Variants in ZFHX3 observed in about 807,000 individuals in gnomAD.
The protein encoded by ZFHX3 is zinc finger homeobox protein 3.
A neutral mutation model predicts 279.1 loss-of-function variants in ZFHX3; 42 were observed. The observed-to-expected ratio is 0.15, with a 90% confidence interval of 0.12 to 0.19. The LOEUF (loss-of-function observed/expected upper bound fraction) is 0.19, where lower values mean the gene tolerates loss of function less well. Among genes scored for constraint, ZFHX3 ranks in the 10% least tolerant of loss-of-function variants. The pLI, the probability that ZFHX3 is intolerant of heterozygous loss-of-function variation, is 1.00. For missense variants in ZFHX3, 4,981 were observed against 4,754.0 expected (o/e 1.05, Z -1.40); for synonymous variants, 2,293 against 1,957.8 (o/e 1.17, Z -4.52).
intron 1 of ZFHX3, among the ~76,000 whole-genome samples, chr16:73,038,675 TACTC>T (rs1965000135): frequency 6.7e-6 from 1 of 149,128 alleles, no homozygotes; most frequent in East Asian, 2.0e-4. Flanking sequence ...TATAAGCTTG[TACTC>T]TCTCTCTCTC....
intron 1 of ZFHX3, among the ~76,000 whole-genome samples, chr16:73,807,569 C>G (rs1046875677): frequency 5.3e-5 from 8 of 151,688 alleles, no homozygotes; most frequent in Admixed American, 3.3e-4. Flanking sequence ...ATCCTCCTGC[C>G]ACAGCAGCCC....
At chr16:73,356,194 C>G (rs1426786977) in intron 3 of ZFHX3, among the ~76,000 whole-genome samples, 2 of 152,218 alleles carry the variant, frequency 1.3e-5, no homozygotes, top group African/African-American at 4.8e-5. Context: ...TGCCAACCCA[C>G]TGGATAAGCT....
At chr16:72,926,129 T>C (rs1023368397) in intron 3 of ZFHX3, among the ~76,000 whole-genome samples, 1 of 152,232 alleles carries the variant, frequency 6.6e-6, no homozygotes, top group Non-Finnish European at 1.5e-5. Context: ...AACTGAAACC[T>C]TTAAAAACTT....
chr16:73,533,412 C>T (rs2019842051), intron 2 of ZFHX3, among the ~76,000 whole-genome samples: 1 of 149,176 alleles, frequency 6.7e-6, no homozygotes, highest in Non-Finnish European at 1.5e-5. Flanking sequence ...CTATTCGTGC[C>T]AACAGAAGGC....
At chr16:73,523,996 T>C (rs796567719) in intron 2 of ZFHX3, among the ~76,000 whole-genome samples, 13 of 152,328 alleles carry the variant, frequency 8.5e-5, no homozygotes, top group African/African-American at 3.1e-4. Context: ...AGTAGCCTTA[T>C]TATTAGAAGT....
chr16:72,859,093 T>C (rs936891823), intron 4 of ZFHX3, among the ~76,000 whole-genome samples: 20 of 152,220 alleles, frequency 1.3e-4, no homozygotes, highest in East Asian at 7.7e-4. Flanking sequence ...CCCACGTTGA[T>C]TGGACTCCTC....
chr16:73,106,615 G>A (rs9930595), intron 7 of ZFHX3, among the ~76,000 whole-genome samples: 158 of 152,240 alleles, frequency 1.0e-3, no homozygotes, highest in African/African-American at 3.3e-3. Flanking sequence ...AATCTTGCAC[G>A]GCAATAACTA....
At chr16:73,412,376 C>CCTGAAGT (rs2017488737) in intron 3 of ZFHX3, among the ~76,000 whole-genome samples, 1 of 151,882 alleles carries the variant, frequency 6.6e-6, no homozygotes, top group South Asian at 2.1e-4. Flanking sequence ...GTGTTTGTCT[C>CCTGAAGT]CTGAAGTCCC....
chr16:73,602,021 A>G (rs13329727), intron 2 of ZFHX3, among the ~76,000 whole-genome samples: 5,669 of 152,150 alleles, frequency 0.037, 368 homozygotes, highest in African/African-American at 0.13. Flanking sequence ...AGTCCCAACT[A>G]CTCAGGAGGC....
chr16:72,985,559 G>T (rs993034529), intron 1 of ZFHX3, among the ~76,000 whole-genome samples: 4 of 152,138 alleles, frequency 2.6e-5, no homozygotes, highest in African/African-American at 4.8e-5. Context: ...TGGAATTTTC[G>T]CTCTTGAGAT....
At chr16:73,680,632 C>A (rs2053000413) in intron 1 of ZFHX3, among the ~76,000 whole-genome samples, 1 of 152,148 alleles carries the variant, frequency 6.6e-6, no homozygotes, top group Admixed American at 6.5e-5. Context: ...CAGTCTGCAT[C>A]TGGGAAAGGT....
chr16:73,357,151 T>C (rs1190420969), intron 3 of ZFHX3, among the ~76,000 whole-genome samples: 3 of 151,962 alleles, frequency 2.0e-5, no homozygotes, highest in Non-Finnish European at 4.4e-5. Context: ...CAAATTTTTG[T>C]CTCTGGTTCT....
At chr16:72,844,142 T>G (rs899494568) in intron 4 of ZFHX3, among the ~76,000 whole-genome samples, 2 of 152,132 alleles carry the variant, frequency 1.3e-5, no homozygotes, top group Non-Finnish European at 2.9e-5. Context: ...TGGATCAGGG[T>G]GAGGTCCAAG....
chr16:72,809,163 C>G (rs2036361303), intron 7 of ZFHX3, among the ~76,000 whole-genome samples: 2 of 152,196 alleles, frequency 1.3e-5, no homozygotes, highest in South Asian at 4.1e-4. Context: ...AAGTTATACT[C>G]TAGTCCCTAG....
At chr16:73,386,331 T>A (rs1013105229) in intron 3 of ZFHX3, among the ~76,000 whole-genome samples, 11 of 152,146 alleles carry the variant, frequency 7.2e-5, no homozygotes, top group African/African-American at 2.7e-4. Context: ...ACCAGATAGA[T>A]CTGGATTTGA....
In ZFHX3 at chr16:73,251,842, C is replaced by T. The variant is rs902186967; in HGVS notation, c.-1104+5205G>A. 1.5e-4 allele frequency among the ~76,000 whole-genome samples: 21 copies of T among 143,730 alleles called. 1 individual carries two copies. Among genetic ancestry groups the T allele is most frequent in the Non-Finnish European group, 3.0e-5 (2 of 66,416 alleles). 94.3% of individuals were successfully genotyped at this position (143,730 alleles called of 152,430 possible). Reference sequence around the variant, plus strand: ...ACACACCACACACACACCATGCACACGCACATACACACCGCACACACGCAC... The same window carrying T: ...ACACACCACACACACACCATGCACATGCACATACACACCGCACACACGCAC... On this transcript the variant is annotated intron_variant, in intron 5 of 17. Transcript: ENST00000641206.
intron 3 of ZFHX3, among the ~76,000 whole-genome samples, chr16:72,890,400 A>G (rs1157852194): frequency 6.6e-6 from 1 of 151,870 alleles, no homozygotes; most frequent in Non-Finnish European, 1.5e-5. Flanking sequence ...CTGTGAGTCA[A>G]TTTCTTTCCT....
chr16:73,801,431 G>A (rs1374349856), intron 1 of ZFHX3, among the ~76,000 whole-genome samples: 2 of 152,178 alleles, frequency 1.3e-5, no homozygotes, highest in Non-Finnish European at 2.9e-5. Context: ...CCTTTCCTCT[G>A]ATAGCTACTG....
At chr16:73,173,695 T>C (rs1967593019) in intron 5 of ZFHX3, among the ~76,000 whole-genome samples, 1 of 152,172 alleles carries the variant, frequency 6.6e-6, no homozygotes, top group South Asian at 2.1e-4. Context: ...GCTACTGTTC[T>C]GAAACGACCA....
Sources: allele counts gnomAD v4.1 joint callset (sites outside exome capture counted in the v4.1 genomes callset), GRCh38; gene constraint gnomAD v4.1.1; transcripts MANE v1.5; gene names NCBI Gene and HGNC (gene_info 2026-07-23, HGNC 2026-07-21).